Variants in SUN1 observed in about 807,000 individuals in gnomAD.
The protein encoded by SUN1 is Sad1 and UNC84 domain containing 1, also known as SUN domain-containing protein 1.
A neutral mutation model predicts 103.2 loss-of-function variants in SUN1; 61 were observed. The observed-to-expected ratio is 0.59, with a 90% CI of 0.48 to 0.73. The LOEUF (loss-of-function observed/expected upper bound fraction) is 0.73. SUN1 is among the 30% of genes least tolerant of loss of function. The pLI is 0.00. For missense variants in SUN1, 1,052 were observed against 1,034.6 expected, an observed-to-expected ratio of 1.02 and a Z score of -0.23; for synonymous variants, 490 against 425.7, an observed-to-expected ratio of 1.15 and a Z score of -1.86.
At chr7:869,546 C>T (rs777482168) in intron 17 of SUN1, 30 bp downstream of exon 17, 1 of 1,602,974 alleles carries the variant, frequency 6.2e-7, no homozygotes, top group South Asian at 1.1e-5. Context: ...CCTCCTCCTC[C>T]CACACCTTCC....
intron 2 of SUN1, among the ~76,000 whole-genome samples, chr7:839,818 T>TA (rs367595907): frequency 2.2e-5 from 1 of 44,828 alleles, no homozygotes; most frequent in Non-Finnish European, 4.6e-5. Context: ...CCTCCCAAAG[T>TA]GCTGCGATTA....
intron 15 of SUN1, among the ~76,000 whole-genome samples, chr7:864,470 C>G (rs940647236): frequency 6.7e-6 from 1 of 149,450 alleles, no homozygotes; most frequent in Non-Finnish European, 1.5e-5. Flanking sequence ...AGGAGAATCG[C>G]TTGAACCTGG....
chr7:850,460 A>G (rs929535185), intron 5 of SUN1: 1 of 158,432 alleles, frequency 6.3e-6, no homozygotes, highest in African/African-American at 2.4e-5. Flanking sequence ...CGGCCTCCCA[A>G]AGTGCTGTTG....
intron 2 of SUN1, among the ~76,000 whole-genome samples, chr7:839,971 G>A (rs890403453): frequency 2.3e-4 from 35 of 152,156 alleles, no homozygotes; most frequent in Admixed American, 1.4e-3. Flanking sequence ...AACTCTCCAC[G>A]TGCCCACTTC....
intron 18 of SUN1, 71 bp from the exon 19 acceptor site, chr7:873,144 T>G: frequency 1.5e-6 from 2 of 1,362,544 alleles, no homozygotes; most frequent in Non-Finnish European, 2.1e-6. Context: ...GACGTCATAT[T>G]TGGGGAAGTG....
chr7:839,465 T>G (rs1806886743), intron 2 of SUN1, among the ~76,000 whole-genome samples: 2 of 152,226 alleles, frequency 1.3e-5, no homozygotes, highest in Non-Finnish European at 2.9e-5. Flanking sequence ...GCTCACTGCC[T>G]CCTCTGTCTC....
At chr7:836,990 C>T (rs1361886815) in intron 1 of SUN1, among the ~76,000 whole-genome samples, 6 of 152,216 alleles carry the variant, frequency 3.9e-5, no homozygotes, top group Admixed American at 3.9e-4. Flanking sequence ...GGGCTGGGCA[C>T]ACATGGCCCC....
rs34506534 is a variant in SUN1 at position 817,145 on chromosome 7, A to AGG, written c.-74+478_-74+479dup. ...TGGTGGGAAGACGGTTTTATTTAAG[A>AGG]GGGGGGGTCTCGCTGTGTTTCCCAG... On this transcript the variant is annotated intron_variant, in intron 1 of 17. Transcript: ENST00000389574. 89 of 422,806 alleles carry AGG rather than the reference A, an allele frequency of 2.1e-4. 1 individual carries two copies. The highest frequency in any genetic ancestry group is 1.8e-3 in the South Asian group (79 of 43,128). The allele number at this position is 422,806 out of a possible 1,614,324, so 26.2% of individuals were successfully genotyped here.
Position 874,447 on chromosome 7 carries a change from TATTTA to T in SUN1, c.*1118_*1122del, listed in dbSNP as rs1843332653. The T allele has an allele frequency of 6.6e-6, 1 of 152,640 alleles. No homozygotes were observed. Among genetic ancestry groups the T allele is most frequent in the Non-Finnish European group, 1.5e-5 (1 of 68,044 alleles). The allele number at this position is 152,640 out of a possible 1,614,324, so 9.5% of individuals were successfully genotyped here. Reference sequence around the variant, plus strand: ...GTTACAGATGTTTTACCTTAAGAATTATTTAAGTTGTGTTGGGTTAAGACAGTTTT... The same window carrying T: ...GTTACAGATGTTTTACCTTAAGAATTAGTTGTGTTGGGTTAAGACAGTTTT... On this transcript the variant is annotated 3_prime_UTR_variant, in exon 19 of 19. Transcript: ENST00000401592.
chr7:866,269 G>A (rs1346599552), intron 16 of SUN1, among the ~76,000 whole-genome samples: 2 of 152,186 alleles, frequency 1.3e-5, no homozygotes, highest in East Asian at 3.8e-4. Flanking sequence ...TGTTGGCTTG[G>A]GTTTAGCGTC....
intron 18 of SUN1, 124 bp from the exon 19 acceptor site, chr7:873,085 TCAACAA>T: frequency 2.3e-6 from 2 of 863,354 alleles, no homozygotes; most frequent in East Asian, 4.9e-5. Flanking sequence ...AGACTCTGTC[TCAACAA>T]CAACAACAAA....
At chr7:849,376 T>C in intron 5 of SUN1, 1 of 512,550 alleles carries the variant, frequency 2.0e-6, no homozygotes, top group Non-Finnish European at 3.4e-6. Context: ...CATTCACCTG[T>C]GTGGTAGGAG....
At chr7:825,876 T>C (rs181372339) in intron 1 of SUN1, among the ~76,000 whole-genome samples, 116 of 151,396 alleles carry the variant, frequency 7.7e-4, no homozygotes, top group Non-Finnish European at 1.6e-3. Flanking sequence ...AGGACGATAA[T>C]TATGTTAACA....
chr7:819,496 C>T (rs1784016622), intron 1 of SUN1, among the ~76,000 whole-genome samples: 1 of 151,910 alleles, frequency 6.6e-6, no homozygotes, highest in South Asian at 2.1e-4. Flanking sequence ...GTTTTTGATC[C>T]ATTTTGAGTT....
upstream of SUN1, among the ~76,000 whole-genome samples, chr7:827,960 T>C (rs1013040995): frequency 2.0e-5 from 3 of 151,840 alleles, no homozygotes; most frequent in Middle Eastern, 3.2e-3. Flanking sequence ...CAGGCTGGAA[T>C]GCGCTGAAAT....
chr7:823,880 G>C (rs1263279226), intron 1 of SUN1, among the ~76,000 whole-genome samples: 1 of 152,184 alleles, frequency 6.6e-6, no homozygotes, highest in Non-Finnish European at 1.5e-5. Flanking sequence ...CATCCAGGCG[G>C]AAATGCCCAA....
chr7:851,980 T>A lies in SUN1; in HGVS notation c.788T>A (p.Leu263Gln). The change falls in exon 7 of 19, where the codon CTG (leucine) becomes CAG (glutamine). Residue 263 changes from leucine (L) to glutamine (Q), a missense_variant. Transcript: ENST00000401592. Reference sequence around the variant, plus strand: ...GCAGCCTCTGGAGTGTTCTGGTGGCTGGGGATTGGATGGTACCAGTTTGTT... The same window carrying A: ...GCAGCCTCTGGAGTGTTCTGGTGGCAGGGGATTGGATGGTACCAGTTTGTT... ...GKAASGVFWW[L>Q]GIGWYQFVTL... 6.2e-7 allele frequency: 1 copy of A among 1,614,102 alleles called. No individual in the cohort carries two copies. Among genetic ancestry groups the A allele is most frequent in the Non-Finnish European group, 8.5e-7 (1 of 1,179,972 alleles).
At chr7:817,543 G>A (rs957322522) in intron 1 of SUN1, 26 of 1,533,100 alleles carry the variant, frequency 1.7e-5, no homozygotes, top group Non-Finnish European at 2.3e-5. Context: ...TTTGCAGCTT[G>A]TGGTTGCTGC....
intron 1 of SUN1, among the ~76,000 whole-genome samples, chr7:819,828 C>T (rs1482805591): frequency 1.3e-5 from 2 of 151,844 alleles, no homozygotes; most frequent in African/African-American, 4.8e-5. Context: ...CCCGCCTCAG[C>T]CTCCCAAGTA....
Sources: allele counts gnomAD v4.1 joint callset (sites outside exome capture counted in the v4.1 genomes callset), GRCh38; gene constraint gnomAD v4.1.1; transcripts MANE v1.5; gene names NCBI Gene and HGNC (gene_info 2026-07-23, HGNC 2026-07-21).